Variants in ALPK1 observed in about 807,000 individuals in gnomAD.
ALPK1 encodes alpha kinase 1, also known as alpha-protein kinase 1.
ALPK1 carries 110 observed loss-of-function variants against 120.6 expected under a neutral mutation model. The ratio of observed to expected loss-of-function variants is 0.91; its 90% CI spans 0.78 to 1.07. ALPK1 has a LOEUF of 1.07. Among genes scored for constraint, ALPK1 ranks in the 50% least tolerant of loss-of-function variants. The pLI, the probability that ALPK1 is intolerant of heterozygous loss-of-function variation, is 0.00. For synonymous variants in ALPK1, 582 were observed against 560.3 expected (o/e 1.04, Z -0.55); for missense variants, 1,498 against 1,483.9 (o/e 1.01, Z -0.16).
In ALPK1 at chr4:112,382,429, C is replaced by A. The variant is rs867622494; in HGVS notation, c.153C>A (p.Ile51=). 1 of 1,613,610 alleles carries A rather than the reference C, an allele frequency of 6.2e-7. No homozygotes were observed. ...ALLPSELRTL[I]QEAKEMKWPF... is the part of the protein sequence containing the mutation. Reference sequence around the variant, plus strand: ...TCCCCAGCGAGTTAAGGACCCTGATCCAGGAGGCAAAGGAAATGAAGTGGC... The same window carrying A: ...TCCCCAGCGAGTTAAGGACCCTGATACAGGAGGCAAAGGAAATGAAGTGGC... Residue 51 remains isoleucine (I), a synonymous_variant, in exon 4 of 16, where the codon ATC becomes ATA. Transcript: ENST00000650871.
At chr4:112,357,733 T>A in intron 2 of ALPK1, 1 of 1,384,836 alleles carries the variant, frequency 7.2e-7, no homozygotes, top group Non-Finnish European at 1.0e-6. Flanking sequence ...GGAGTGCTTG[T>A]CCTCTTTGGG....
chr4:112,357,389 C>A, intron 2 of ALPK1: 1 of 694,186 alleles, frequency 1.4e-6, no homozygotes, highest in South Asian at 1.7e-5. Flanking sequence ...CTATAAAGTG[C>A]ACATCCATCC....
chr4:112,329,530 T>C (rs1381207468), intron 2 of ALPK1, among the ~76,000 whole-genome samples: 1 of 152,192 alleles, frequency 6.6e-6, no homozygotes, highest in East Asian at 1.9e-4. Context: ...TGGGGTAGCT[T>C]GTAAAAGCCA....
Position 112,389,710 on chromosome 4 carries a change from A to C in ALPK1, c.276+7158A>C, listed in dbSNP as rs112026620. Among the ~76,000 whole-genome samples the C allele has an allele frequency of 4.7e-3, 709 of 152,290 alleles. 6 individuals carry two copies. Among genetic ancestry groups the C allele is most frequent in the African/African-American group, 0.015 (644 of 41,568 alleles). On this transcript the variant is annotated intron_variant, in intron 4 of 15. Coordinates refer to ENST00000650871, the MANE Select transcript of ALPK1 (RefSeq NM_025144.4). Reference sequence around the variant, plus strand: ...TGCTGGGCAGTGATGCCTTTACCTGAGACAGCACAGGAGGGGAAGCTGGCA... The same window carrying C: ...TGCTGGGCAGTGATGCCTTTACCTGCGACAGCACAGGAGGGGAAGCTGGCA...
chr4:112,370,519 A>T (rs1252271672), intron 2 of ALPK1, among the ~76,000 whole-genome samples: 1 of 152,254 alleles, frequency 6.6e-6, no homozygotes, highest in Non-Finnish European at 1.5e-5. Context: ...AGCTCACAGA[A>T]TGCCACAGTT....
chr4:112,427,789 C>A (rs1178981079), intron 9 of ALPK1, 124 bp downstream of exon 9: 7 of 686,698 alleles, frequency 1.0e-5, no homozygotes, highest in South Asian at 1.7e-5. Flanking sequence ...GCCTCCTAGA[C>A]AAATGGGAGG....
intron 1 of ALPK1, among the ~76,000 whole-genome samples, chr4:112,310,885 T>G (rs944870216): frequency 6.6e-6 from 1 of 152,094 alleles, no homozygotes; most frequent in Non-Finnish European, 1.5e-5. Flanking sequence ...CACTGATCCT[T>G]GGTCACTTGC....
rs190774568 is a variant in ALPK1 at position 112,429,531 on chromosome 4, C to T, written c.900+278C>T. Among the ~76,000 whole-genome samples the T allele has an allele frequency of 2.5e-3, 375 of 152,184 alleles. 2 individuals carry two copies. Among genetic ancestry groups the T allele is most frequent in the Admixed American group, 5.9e-3 (90 of 15,294 alleles). The stretch of plus-strand genomic sequence containing the variant: ...GTGCACATCAAAATCACCCAAGGAA[C>T]CTTCTCAAAATACATATTCCTGCCA... On this transcript the variant is annotated intron_variant, in intron 10 of 15. Transcript: ENST00000650871.
chr4:112,306,592 G>C (rs937738602), intron 1 of ALPK1, among the ~76,000 whole-genome samples: 2 of 151,966 alleles, frequency 1.3e-5, no homozygotes, highest in African/African-American at 4.8e-5. Flanking sequence ...GATCGGTGGT[G>C]ATATCCCCTT....
chr4:112,421,039 G>T (rs1354026662), intron 5 of ALPK1, among the ~76,000 whole-genome samples: 1 of 152,042 alleles, frequency 6.6e-6, no homozygotes, highest in Non-Finnish European at 1.5e-5. Context: ...CACCATATTG[G>T]TCAGGCTGGT....
Position 112,431,280 on chromosome 4 carries a change from A to G in ALPK1, c.1733A>G (p.Gln578Arg). 1 of 1,614,238 alleles carries G rather than the reference A, an allele frequency of 6.2e-7. No homozygotes were observed. Among genetic ancestry groups the G allele is most frequent in the East Asian group, 2.2e-5 (1 of 44,878 alleles). ...TTCAACAAGTCTCTGAGTGGCAGCC[A>G]GACTTCCAGTGCTTGGAGCAACTTA... Reference protein sequence around the residue: ...AVFNKSLSGSQTSSAWSNLSG... With the variant: ...AVFNKSLSGSRTSSAWSNLSG... The change falls in exon 11 of 16, where the codon CAG becomes CGG. Residue 578 changes from glutamine to arginine, a missense_variant. Gln to Arg is a conservative substitution (Grantham distance 43). Coordinates refer to ENST00000650871, the MANE Select transcript of ALPK1 (RefSeq NM_025144.4).
intron 3 of ALPK1, among the ~76,000 whole-genome samples, chr4:112,380,990 C>T (rs1731878071): frequency 6.6e-6 from 1 of 152,140 alleles, no homozygotes; most frequent in African/African-American, 2.4e-5. Context: ...GTGCTGAAGC[C>T]AGTGGGCCTG....
chr4:112,306,643 T>C (rs7655954), intron 1 of ALPK1, among the ~76,000 whole-genome samples: 69,210 of 149,968 alleles, frequency 0.46, 18,038 homozygotes, highest in African/African-American at 0.69. Context: ...TCTCTCTTTT[T>C]TTCTTTATTA....
chr4:112,404,135 A>T (rs1733059669), intron 4 of ALPK1, among the ~76,000 whole-genome samples: 1 of 152,238 alleles, frequency 6.6e-6, no homozygotes, highest in Admixed American at 6.5e-5. Context: ...AAGAGAAGAA[A>T]GAGATTGAAA....
chr4:112,406,363 T>A (rs1313307747), intron 4 of ALPK1, among the ~76,000 whole-genome samples: 1 of 152,194 alleles, frequency 6.6e-6, no homozygotes, highest in Non-Finnish European at 1.5e-5. Flanking sequence ...TCATGCTAAA[T>A]GAAGTAAAAA....
chr4:112,411,471 C>A (rs181914520), intron 4 of ALPK1, among the ~76,000 whole-genome samples: 1 of 152,338 alleles, frequency 6.6e-6, no homozygotes, highest in African/African-American at 2.4e-5. Context: ...GAGATCCACA[C>A]GCCTCGGCCT....
chr4:112,402,954 C>T (rs989420839), intron 4 of ALPK1, among the ~76,000 whole-genome samples: 7 of 151,586 alleles, frequency 4.6e-5, no homozygotes, highest in Non-Finnish European at 8.8e-5. Context: ...AATCCTGAAT[C>T]AAATTCCATG....
intron 11 of ALPK1, among the ~76,000 whole-genome samples, chr4:112,433,705 A>G (rs1388054207): frequency 1.3e-5 from 2 of 152,226 alleles, no homozygotes; most frequent in African/African-American, 4.8e-5. Flanking sequence ...CCTACTATAC[A>G]GAAAAATGAT....
intron 5 of ALPK1, among the ~76,000 whole-genome samples, chr4:112,415,364 A>G (rs2148751847): frequency 6.6e-6 from 1 of 152,346 alleles, no homozygotes; most frequent in East Asian, 1.9e-4. Flanking sequence ...CAGGCTGGGC[A>G]GCGGCTCACG....
Sources: gnomAD v4.1 joint callset for allele counts (sites outside exome capture counted in the v4.1 genomes callset) on GRCh38, gnomAD v4.1.1 for gene constraint, MANE v1.5 for transcripts, NCBI Gene and HGNC (gene_info 2026-07-23, HGNC 2026-07-21) for gene names.